The following ATP13A5 variants were observed in gnomAD, a reference collection of about 807,000 sequenced individuals.
ATP13A5 encodes the protein ATPase 13A5.
In ATP13A5, 149 loss-of-function variants were observed where a neutral mutation model predicts 150.2. That is an observed-to-expected ratio of 0.99 (90% CI 0.87 to 1.14). The LOEUF is 1.14. Among genes scored for constraint, ATP13A5 ranks in the 50% most tolerant of loss-of-function variants. The probability of loss-of-function intolerance (pLI) is 0.00; values close to 1 mark genes in which losing one functional copy is unlikely to be tolerated. For synonymous variants in ATP13A5, 497 were observed against 522.2 expected, an observed-to-expected ratio of 0.95 and a Z score of 0.66; for missense variants, 1,383 against 1,449.3, an observed-to-expected ratio of 0.95 and a Z score of 0.74.
At position 193,304,887 on chromosome 3, in the gene ATP13A5, G is replaced by C. The variant is rs1718548364; in HGVS notation, c.2678+672C>G. ...CAAAGATGGCGAAGGTGAAGGAGAA[G>C]TGGGCACCTTCTTCACAAGACAAGA... On this transcript the variant is annotated intron_variant, in intron 23 of 29. Coordinates refer to ENST00000342358, the MANE Select transcript of ATP13A5 (RefSeq NM_198505.4). Among the ~76,000 whole-genome samples, 5 of 152,212 alleles carry C rather than the reference G, an allele frequency of 3.3e-5. 1 individual carries two copies. In the South Asian group the frequency reaches 1.0e-3, roughly 32 times the overall value.
Position 193,321,652 on chromosome 3 carries a change from T to C in ATP13A5, c.1915+29A>G, listed in dbSNP as rs911097294. The C allele has an allele frequency of 6.8e-6, 11 of 1,609,518 alleles. No individual in the cohort carries two copies. The Admixed American group carries it at 1.3e-4, about 20-fold the overall frequency. On this transcript the variant is annotated intron_variant, in intron 16 of 29. Transcript: ENST00000342358. Reference sequence around the variant, plus strand: ...TCTCAAAGAAAAAACAAAAGTATTTTACTTCTTGAAAGAGAAAAGTGTTAG... The same window carrying C: ...TCTCAAAGAAAAAACAAAAGTATTTCACTTCTTGAAAGAGAAAAGTGTTAG...
intron 22 of ATP13A5, 159 bp downstream of exon 22, chr3:193,307,168 T>C: frequency 6.8e-7 from 1 of 1,477,492 alleles, no homozygotes; most frequent in Admixed American, 2.3e-5. Flanking sequence ...TTTACTCCCC[T>C]CCGCTTCCAA....
Position 193,310,701 on chromosome 3 carries a change from G to A in ATP13A5, c.2462C>T (p.Thr821Ile). 6.2e-7 allele frequency: 1 copy of A among 1,607,036 alleles called. No individual in the cohort carries two copies. The highest frequency in any genetic ancestry group is 1.7e-4 in the Middle Eastern group (1 of 6,024). Residue 821 changes from threonine to isoleucine, a missense_variant, in exon 21 of 30, where the codon ACA (threonine) becomes ATA (isoleucine). Thr to Ile is a moderately conservative substitution (Grantham distance 89). Around this residue, in one of 3 missense-constraint regions of ATP13A5, gnomAD observed 568 missense variants for 621.5 expected, o/e 0.91. Transcript: ENST00000342358. ...CCCAGGAGACATTCTTGCAAAAACT[G>A]TTCCATTCACCAGAATCTAAAAAGA... Reference protein sequence around the residue: ...SLLPKILVNGTVFARMSPGQK... With the variant: ...SLLPKILVNGIVFARMSPGQK...
intron 10 of ATP13A5, 53 bp from the exon 11 acceptor site, chr3:193,333,960 TCCTA>T: frequency 1.3e-6 from 2 of 1,550,796 alleles, no homozygotes; most frequent in Non-Finnish European, 1.8e-6. Context: ...ACACTTGGTC[TCCTA>T]AAAATGGCTT....
chr3:193,364,676 T>A (rs1713175939), intron 1 of ATP13A5, among the ~76,000 whole-genome samples: 1 of 152,222 alleles, frequency 6.6e-6, no homozygotes, highest in Non-Finnish European at 1.5e-5. Context: ...AATATGAATT[T>A]ATTGTAGGAA....
chr3:193,290,940 G>C (rs1031104055), intron 25 of ATP13A5, among the ~76,000 whole-genome samples: 1 of 152,076 alleles, frequency 6.6e-6, no homozygotes, highest in East Asian at 1.9e-4. Context: ...CTTCATACCT[G>C]TCACCTCTTC....
chr3:193,367,167 C>CA (rs1026873470), intron 1 of ATP13A5, among the ~76,000 whole-genome samples: 1 of 151,582 alleles, frequency 6.6e-6, no homozygotes, highest in Non-Finnish European at 1.5e-5. Context: ...AATTAAACCC[C>CA]AAAAAAGTAA....
At chr3:193,347,686 T>C (rs544705552) in intron 7 of ATP13A5, among the ~76,000 whole-genome samples, 1 of 152,278 alleles carries the variant, frequency 6.6e-6, no homozygotes, top group African/African-American at 2.4e-5. Context: ...TTATTAGACT[T>C]AGCATTCTGT....
intron 28 of ATP13A5, among the ~76,000 whole-genome samples, chr3:193,278,992 G>T (rs1455186196): frequency 6.6e-6 from 1 of 151,978 alleles, no homozygotes; most frequent in African/African-American, 2.4e-5. Flanking sequence ...ATAAGTCTAT[G>T]TTTTCTTTCC....
At chr3:193,284,087 C>T (rs997351311) in intron 27 of ATP13A5, among the ~76,000 whole-genome samples, 7 of 151,122 alleles carry the variant, frequency 4.6e-5, no homozygotes, top group Non-Finnish European at 8.8e-5. Context: ...GTGGTGTGAT[C>T]CTGGCTCACT....
chr3:193,314,950 G>A (rs1434408561), intron 18 of ATP13A5, 22 bp downstream of exon 18: 1 of 1,605,724 alleles, frequency 6.2e-7, no homozygotes, highest in African/African-American at 1.3e-5. Flanking sequence ...AACTTGCCAG[G>A]CCCCTAGAAA....
In ATP13A5 at chr3:193,335,110, T is replaced by C. The variant is rs376019762; in HGVS notation, c.944-11A>G. On this transcript the variant is annotated splice_polypyrimidine_tract_variant and intron_variant, in intron 9 of 29. Transcript: ENST00000342358. Reference sequence around the variant, plus strand: ...CAGGTATACTTTCTCCTAAAGAGGATTGTATTTTGTTGAATCTATGTAAGC... The same window carrying C: ...CAGGTATACTTTCTCCTAAAGAGGACTGTATTTTGTTGAATCTATGTAAGC... 1.5e-5 allele frequency: 24 copies of C among 1,612,506 alleles called. No individual in the cohort carries two copies. The African/African-American group carries it at 2.3e-4, about 15-fold the overall frequency.
At chr3:193,363,205 T>G in intron 3 of ATP13A5, 31 bp downstream of exon 3, 3 of 1,586,148 alleles carry the variant, frequency 1.9e-6, no homozygotes, top group Non-Finnish European at 2.6e-6. Context: ...TCTGTAAACA[T>G]GCATAACACC....
intron 9 of ATP13A5, among the ~76,000 whole-genome samples, chr3:193,336,722 C>T (rs535924513): frequency 6.6e-6 from 1 of 152,132 alleles, no homozygotes; most frequent in Non-Finnish European, 1.5e-5. Context: ...TTTATAGCAG[C>T]ATGATTTATA....
chr3:193,318,256 G>T (rs753935461), intron 17 of ATP13A5, among the ~76,000 whole-genome samples: 34 of 152,162 alleles, frequency 2.2e-4, no homozygotes, highest in Non-Finnish European at 4.0e-4. Flanking sequence ...GAAGGAGCTA[G>T]CTGTATATAA....
At chr3:193,363,208 A>G (rs1713106099) in intron 3 of ATP13A5, 28 bp downstream of exon 3, 5 of 1,597,514 alleles carry the variant, frequency 3.1e-6, no homozygotes, top group Non-Finnish European at 4.3e-6. Flanking sequence ...GTAAACATGC[A>G]TAACACCATA....
At chr3:193,321,109 C>T (rs1719258187) in intron 16 of ATP13A5, among the ~76,000 whole-genome samples, 2 of 152,194 alleles carry the variant, frequency 1.3e-5, no homozygotes, top group Admixed American at 1.3e-4. Flanking sequence ...CAGTAGCTCC[C>T]TATTCTGGCT....
At chr3:193,363,029 T>C (rs921812730) in intron 3 of ATP13A5, among the ~76,000 whole-genome samples, 2 of 152,146 alleles carry the variant, frequency 1.3e-5, no homozygotes, top group Non-Finnish European at 2.9e-5. Context: ...CTCAAACTCC[T>C]GGGCTCAAGG....
At chr3:193,343,341 A>G (rs1712200829) in intron 9 of ATP13A5, among the ~76,000 whole-genome samples, 1 of 152,238 alleles carries the variant, frequency 6.6e-6, no homozygotes, top group Non-Finnish European at 1.5e-5. Context: ...ACAAATGAGA[A>G]CTAGGACTGC....
Sources: allele counts gnomAD v4.1 joint callset (sites outside exome capture counted in the v4.1 genomes callset), GRCh38; gene constraint gnomAD v4.1.1; regional missense constraint gnomAD v4.1.1; transcripts MANE v1.5; gene names NCBI Gene and HGNC (gene_info 2026-07-23, HGNC 2026-07-21).